XXYLT1: variants seen among roughly 807,000 people sequenced by gnomAD.
XXYLT1 encodes xyloside xylosyltransferase 1, also known as UDP-xylose:alpha-xyloside alpha-1,3-xylosyltransferase.
Under a neutral mutation model 28.9 loss-of-function variants are expected in XXYLT1, and 20 were observed. The observed-to-expected ratio is 0.69, with a 90% CI of 0.49 to 1.00. The LOEUF (loss-of-function observed/expected upper bound fraction) is 1.00, where lower values mean the gene tolerates loss of function less well. Ranked by LOEUF, XXYLT1 falls within the 50% of genes least tolerant of loss-of-function variation. The probability of loss-of-function intolerance (pLI) is 0.00; values close to 1 mark genes in which losing one functional copy is unlikely to be tolerated. For missense variants in XXYLT1, 542 were observed against 560.1 expected, an observed-to-expected ratio of 0.97 and a Z score of 0.33; for synonymous variants, 257 against 253.8, an observed-to-expected ratio of 1.01 and a Z score of -0.12.
chr3:195,244,009 C>G (rs1301944018), intron 1 of XXYLT1, among the ~76,000 whole-genome samples: 1 of 152,206 alleles, frequency 6.6e-6, no homozygotes, highest in Non-Finnish European at 1.5e-5. Flanking sequence ...CCCCTCCTCC[C>G]CACGCTGTCC....
intron 3 of XXYLT1, among the ~76,000 whole-genome samples, chr3:195,154,268 A>C (rs1393878113): frequency 6.6e-6 from 1 of 152,202 alleles, no homozygotes; most frequent in African/African-American, 2.4e-5. Flanking sequence ...GACGACCAGC[A>C]GCTTCCTGGT....
Position 195,202,047 on chromosome 3 carries a change from T to A in XXYLT1, c.652+24662A>T, listed in dbSNP as rs9877006. 9.9e-5 allele frequency among the ~76,000 whole-genome samples: 15 copies of A among 151,384 alleles called. No homozygotes were observed. In the East Asian group the frequency reaches 2.5e-3, roughly 25 times the overall value. On this transcript the variant is annotated intron_variant, in intron 2 of 3. Transcript: ENST00000310380. ...CAAAAATTAGCCAGGTGTGGTGGTG[T>A]GCACCTGTAATCCCAGCCACTCAGG...
chr3:195,251,510 C>T (rs1008626335), intron 1 of XXYLT1, among the ~76,000 whole-genome samples: 3 of 152,280 alleles, frequency 2.0e-5, no homozygotes, highest in Admixed American at 6.5e-5. Context: ...CGCTGAGCAC[C>T]GGGTCCAGAC....
At chr3:195,136,753 G>C (rs1017675243) in intron 3 of XXYLT1, among the ~76,000 whole-genome samples, 1 of 152,184 alleles carries the variant, frequency 6.6e-6, no homozygotes, top group Admixed American at 6.5e-5. Context: ...ACAGGACGCA[G>C]GGAGCTGCCA....
intron 3 of XXYLT1, among the ~76,000 whole-genome samples, chr3:195,112,150 C>G (rs1045593395): frequency 1.3e-5 from 2 of 152,184 alleles, no homozygotes; most frequent in African/African-American, 2.4e-5. Context: ...CCATTTCTAG[C>G]CGTCAGGAGG....
Position 195,270,800 on chromosome 3 carries a change from T to C in XXYLT1, c.259A>G (p.Lys87Glu), listed in dbSNP as rs1725999649. 2.6e-6 allele frequency: 4 copies of C among 1,517,136 alleles called. No individual in the cohort carries two copies. The highest frequency in any genetic ancestry group is 3.5e-6 in the Non-Finnish European group (4 of 1,135,982). 94.0% of individuals were successfully genotyped at this position (1,517,136 alleles called of 1,614,324 possible). A position where few individuals can be genotyped will look rare whatever the true frequency, so the allele number is the denominator to read the frequency against. ...SVAPAPGAKA[K>E]SLEGGGAGPV... is the part of the protein sequence containing the mutation. Reference sequence around the variant, plus strand: ...CCGGCACCGCCGCCCTCCAAGCTCTTGGCCTTCGCGCCGGGGGCTGGCGCC... The same window carrying C: ...CCGGCACCGCCGCCCTCCAAGCTCTCGGCCTTCGCGCCGGGGGCTGGCGCC... The change falls in exon 1 of 4, where the codon AAG becomes GAG. Residue 87 changes from lysine (K) to glutamate (E), a missense_variant. Transcript: ENST00000310380.
intron 2 of XXYLT1, among the ~76,000 whole-genome samples, chr3:195,200,359 T>C (rs1722801303): frequency 6.6e-6 from 1 of 152,214 alleles, no homozygotes. Flanking sequence ...TAAATGACCA[T>C]TCCCACTGCC....
At position 195,176,900 on chromosome 3, in the gene XXYLT1, G is replaced by C. The variant is rs1721693148; in HGVS notation, c.653-20319C>G. ...GGACAAGGCCGACTCCTTGGAACCAGCAAGAAACTCTCAAGCCCCCGCCTA... is the reference window on the plus strand; with the variant it reads ...GGACAAGGCCGACTCCTTGGAACCACCAAGAAACTCTCAAGCCCCCGCCTA... On this transcript the variant is annotated intron_variant, in intron 2 of 3. Coordinates refer to ENST00000310380, the MANE Select transcript of XXYLT1 (RefSeq NM_152531.5). The surrounding 1 kb of genome is among the most constrained non-coding windows in gnomAD (Gnocchi z 4.9). Among the ~76,000 whole-genome samples, 1 of 152,194 alleles carries C rather than the reference G, an allele frequency of 6.6e-6. No homozygotes were observed. The highest frequency in any genetic ancestry group is 2.1e-4 in the South Asian group (1 of 4,830).
intron 3 of XXYLT1, among the ~76,000 whole-genome samples, chr3:195,142,311 T>C (rs569196957): frequency 6.6e-6 from 1 of 152,358 alleles, no homozygotes; most frequent in East Asian, 1.9e-4. Flanking sequence ...TTATCTTTAC[T>C]TACTATGGTG....
At chr3:195,132,482 AAAG>A (rs1296793956) in intron 3 of XXYLT1, among the ~76,000 whole-genome samples, 1 of 151,936 alleles carries the variant, frequency 6.6e-6, no homozygotes, top group Non-Finnish European at 1.5e-5. Context: ...AAAAAAAAAG[AAAG>A]AAAATAAGTG....
intron 3 of XXYLT1, among the ~76,000 whole-genome samples, chr3:195,137,073 C>T (rs1038570202): frequency 1.3e-5 from 2 of 152,124 alleles, no homozygotes; most frequent in African/African-American, 4.8e-5. Context: ...CAATGGGATC[C>T]TTCAATCATA....
chr3:195,146,098 A>G (rs1719830229), intron 3 of XXYLT1, among the ~76,000 whole-genome samples: 1 of 152,318 alleles, frequency 6.6e-6, no homozygotes, highest in East Asian at 1.9e-4. Context: ...GATCCGTTTC[A>G]CTTAGGAACC....
At chr3:195,270,517 G>T in intron 1 of XXYLT1, 38 bp downstream of exon 1, 1 of 1,359,782 alleles carries the variant, frequency 7.4e-7, no homozygotes, top group South Asian at 1.7e-5. Flanking sequence ...GGATGGGGTG[G>T]GCCACCCACC....
intron 3 of XXYLT1, among the ~76,000 whole-genome samples, chr3:195,097,537 C>T (rs373365855): frequency 8.5e-5 from 13 of 152,188 alleles, no homozygotes; most frequent in South Asian, 2.1e-4. Flanking sequence ...ATCATGATCC[C>T]CACTTTATAG....
Position 195,068,768 on chromosome 3 carries a change from G to A in XXYLT1, c.*947C>T, listed in dbSNP as rs965372316. 7 of 152,020 alleles carry A rather than the reference G, an allele frequency of 4.6e-5. No homozygotes were observed. Among genetic ancestry groups the A allele is most frequent in the Admixed American group, 1.3e-4 (2 of 15,256 alleles). 9.4% of individuals were successfully genotyped at this position (152,020 alleles called of 1,614,324 possible). On this transcript the variant is annotated 3_prime_UTR_variant, in exon 4 of 4. Transcript: ENST00000310380. Reference sequence around the variant, plus strand: ...GCTAATTTTTAAAATATTTTGTAGCGATGGGGGCCTCCCTGTGTTTCCCAG... The same window carrying A: ...GCTAATTTTTAAAATATTTTGTAGCAATGGGGGCCTCCCTGTGTTTCCCAG...
At chr3:195,110,545 G>GGTGT (rs761573003) in intron 3 of XXYLT1, among the ~76,000 whole-genome samples, 1 of 14,056 alleles carries the variant, frequency 7.1e-5, no homozygotes, top group Non-Finnish European at 1.9e-4. Context: ...GCGTGTGTGT[G>GGTGT]GTGTGTGTGT....
In XXYLT1 at chr3:195,270,908, C is replaced by A; in HGVS notation, c.151G>T (p.Ala51Ser). ...CGGGCCTCCTTCAGCCTCTTGGTGGCGCTGGAGAAGGTCTCCCGGCCTGAG... is the reference window on the plus strand; with the variant it reads ...CGGGCCTCCTTCAGCCTCTTGGTGGAGCTGGAGAAGGTCTCCCGGCCTGAG... ...LGSGRETFSS[A>S]TKRLKEARAG... is the part of the protein sequence containing the mutation. The change falls in exon 1 of 4, where the codon GCC becomes TCC. Residue 51 changes from alanine (A) to serine (S), a missense_variant. Coordinates refer to ENST00000310380, the MANE Select transcript of XXYLT1 (RefSeq NM_152531.5). 6.8e-7 allele frequency: 1 copy of A among 1,478,092 alleles called. No individual in the cohort carries two copies. The highest frequency in any genetic ancestry group is 9.0e-7 in the Non-Finnish European group (1 of 1,116,314). The allele number at this position is 1,478,092 out of a possible 1,614,324, so 91.6% of individuals were successfully genotyped here.
chr3:195,139,576 G>A (rs151127378), intron 3 of XXYLT1, among the ~76,000 whole-genome samples: 72 of 152,294 alleles, frequency 4.7e-4, no homozygotes, highest in African/African-American at 1.7e-3. Context: ...CTTGAGGGTG[G>A]GGTCTGTGGC....
chr3:195,117,886 G>A (rs567110108), intron 3 of XXYLT1, among the ~76,000 whole-genome samples: 6 of 152,278 alleles, frequency 3.9e-5, no homozygotes, highest in South Asian at 2.1e-4. Context: ...CCTCCCCGTC[G>A]GAATAACACT....
Sources: allele counts gnomAD v4.1 joint callset (sites outside exome capture counted in the v4.1 genomes callset), GRCh38; gene constraint gnomAD v4.1.1; non-coding constraint Gnocchi (gnomAD v3.1); transcripts MANE v1.5; gene names NCBI Gene and HGNC (gene_info 2026-07-23, HGNC 2026-07-21).